VAT1L: variants seen among roughly 807,000 people sequenced by gnomAD.
VAT1L encodes the protein vesicle amine transport 1 like.
VAT1L carries 34 observed loss-of-function variants against 44.1 expected under a neutral mutation model. The observed-to-expected ratio is 0.77, with a 90% CI of 0.59 to 1.03. The LOEUF is 1.03. VAT1L is among the 50% of genes least tolerant of loss of function. VAT1L has a pLI of 0.00. For synonymous variants in VAT1L, 253 were observed against 202.2 expected, an observed-to-expected ratio of 1.25 and a Z score of -2.13; for missense variants, 615 against 538.8, an observed-to-expected ratio of 1.14 and a Z score of -1.40.
Position 77,938,600 on chromosome 16 carries a change from C to T in VAT1L, c.1078-33250C>T, listed in dbSNP as rs113288220. Reference sequence around the variant, plus strand: ...CCCCTTATTCTCTCTGTTGCTTCTGCTCTGGCCATGTAAAGACGTGCCTGC... The same window carrying T: ...CCCCTTATTCTCTCTGTTGCTTCTGTTCTGGCCATGTAAAGACGTGCCTGC... On this transcript the variant is annotated intron_variant, in intron 7 of 8. Coordinates refer to ENST00000302536, the MANE Select transcript of VAT1L (RefSeq NM_020927.3). 5.3e-3 allele frequency among the ~76,000 whole-genome samples: 804 copies of T among 152,220 alleles called. 11 individuals carry two copies. Among genetic ancestry groups the T allele is most frequent in the African/African-American group, 0.019 (784 of 41,550 alleles).
Position 77,817,157 on chromosome 16 carries a change from T to C in VAT1L, c.363+107T>C. 7.6e-6 allele frequency: 11 copies of C among 1,448,272 alleles called. No individual in the cohort carries two copies. In the South Asian group the frequency reaches 1.6e-4, roughly 21 times the overall value. 89.7% of individuals were successfully genotyped at this position (1,448,272 alleles called of 1,614,324 possible). A position where few individuals can be genotyped will look rare whatever the true frequency, so the allele number is the denominator to read the frequency against. On this transcript the variant is annotated intron_variant, in intron 2 of 8. Transcript: ENST00000302536. ...TGAAATAACCTATGGCGTGCATTAT[T>C]ATCATTGTCTTCTTATTTGGACTGT...
In VAT1L at chr16:77,874,855, A is replaced by AT. The variant is rs2017071452; in HGVS notation, c.723-1515_723-1514insT. On this transcript the variant is annotated intron_variant, in intron 4 of 8. Coordinates refer to ENST00000302536, the MANE Select transcript of VAT1L (RefSeq NM_020927.3). Reference sequence around the variant, plus strand: ...ATTAATTTGTAAAAAAAAAAAAAAAAAAAAAAAAGCCAGTCTGGCTCCTAA... The same window carrying AT: ...ATTAATTTGTAAAAAAAAAAAAAAAATAAAAAAAAGCCAGTCTGGCTCCTAA... Among the ~76,000 whole-genome samples the AT allele has an allele frequency of 2.9e-4, 44 of 150,744 alleles. No individual in the cohort carries two copies. In the South Asian group the frequency reaches 9.3e-3, roughly 32 times the overall value.
At chr16:77,901,556 C>T (rs559925803) in intron 7 of VAT1L, among the ~76,000 whole-genome samples, 2 of 152,256 alleles carry the variant, frequency 1.3e-5, no homozygotes, top group East Asian at 3.9e-4. Flanking sequence ...TACCTGGGTC[C>T]TATCAAGTGC....
chr16:77,887,824 T>G (rs2017224778), intron 7 of VAT1L, among the ~76,000 whole-genome samples: 1 of 152,198 alleles, frequency 6.6e-6, no homozygotes, highest in Non-Finnish European at 1.5e-5. Flanking sequence ...AAGCAATACC[T>G]AAACCAAATC....
chr16:77,941,691 T>A (rs970756551), intron 7 of VAT1L, among the ~76,000 whole-genome samples: 4 of 152,112 alleles, frequency 2.6e-5, no homozygotes, highest in Non-Finnish European at 4.4e-5. Flanking sequence ...GTTTAAGCTA[T>A]TGTCCTGCCT....
chr16:77,918,549 G>A (rs951100667), intron 7 of VAT1L, among the ~76,000 whole-genome samples: 5 of 152,018 alleles, frequency 3.3e-5, no homozygotes, highest in African/African-American at 1.2e-4. Context: ...TCCTCATGTC[G>A]CTGTGATCAA....
rs1307314230 is a variant in VAT1L at position 77,879,514 on chromosome 16, C to G, written c.882+290C>G. On this transcript the variant is annotated intron_variant, in intron 6 of 8. Transcript: ENST00000302536. The surrounding 1 kb of genome is among the most constrained non-coding windows in gnomAD (Gnocchi z 4.1). ...CCGTGTTGGCCAGGATGGTCTCAAT[C>G]TGACCTCGTGATCTGCCCGCCTCAG... Among the ~76,000 whole-genome samples, 3 of 152,166 alleles carry G rather than the reference C, an allele frequency of 2.0e-5. No individual in the cohort carries two copies. Among genetic ancestry groups the G allele is most frequent in the Non-Finnish European group, 2.9e-5 (2 of 68,030 alleles).
Position 77,816,990 on chromosome 16 carries a change from G to A in VAT1L, c.303G>A (p.Val101=), listed in dbSNP as rs148203612. The change falls in exon 2 of 9, where the codon GTG becomes GTA. Residue 101 remains valine (V), a synonymous_variant. Transcript: ENST00000302536. ...ACAACCCTCCCAAGACTCCCCTGGTGCCAGGATTTGAGTGTTCTGGGATTG... is the reference window on the plus strand; with the variant it reads ...ACAACCCTCCCAAGACTCCCCTGGTACCAGGATTTGAGTGTTCTGGGATTG... ...NIDNPPKTPL[V]PGFECSGIVE... 0.016 allele frequency: 25,119 copies of A among 1,613,970 alleles called. 239 individuals carry two copies. Among genetic ancestry groups the A allele is most frequent in the Non-Finnish European group, 0.019 (21,994 of 1,179,916 alleles).
chr16:77,838,551 T>C (rs1567483367), intron 3 of VAT1L, among the ~76,000 whole-genome samples: 1 of 152,040 alleles, frequency 6.6e-6, no homozygotes, highest in African/African-American at 2.4e-5. Context: ...CACGACAGGA[T>C]AGAGAGATTA....
intron 7 of VAT1L, among the ~76,000 whole-genome samples, chr16:77,897,701 C>A (rs1356032423): frequency 6.6e-6 from 1 of 152,166 alleles, no homozygotes; most frequent in East Asian, 1.9e-4. Context: ...TCTCGAACTC[C>A]TGAGCTCAGG....
chr16:77,967,150 G>C (rs1391537745), intron 7 of VAT1L, among the ~76,000 whole-genome samples: 1 of 152,080 alleles, frequency 6.6e-6, no homozygotes, highest in Non-Finnish European at 1.5e-5. Context: ...TTATATGAGA[G>C]CAGTTTGGGG....
intron 3 of VAT1L, among the ~76,000 whole-genome samples, chr16:77,849,944 C>T (rs547934085): frequency 6.6e-6 from 1 of 152,252 alleles, no homozygotes; most frequent in African/African-American, 2.4e-5. Context: ...ATGTTCAGGG[C>T]AGGTACTTTG....
chr16:77,853,519 G>A (rs2016827099), intron 3 of VAT1L, among the ~76,000 whole-genome samples: 1 of 152,044 alleles, frequency 6.6e-6, no homozygotes, highest in Non-Finnish European at 1.5e-5. Flanking sequence ...AGCATCATGG[G>A]GCCTTTCTCC....
intron 5 of VAT1L, among the ~76,000 whole-genome samples, chr16:77,877,657 G>C (rs1038378252): frequency 2.6e-5 from 4 of 151,664 alleles, no homozygotes; most frequent in Non-Finnish European, 4.4e-5. Context: ...CTTGTCCCCT[G>C]TAGGTACAAT....
chr16:77,910,447 C>T (rs943100162), intron 7 of VAT1L, among the ~76,000 whole-genome samples: 6 of 151,776 alleles, frequency 4.0e-5, no homozygotes, highest in Admixed American at 1.3e-4. Context: ...CCGAGGCGGG[C>T]GAATCACAAG....
intron 7 of VAT1L, among the ~76,000 whole-genome samples, chr16:77,962,583 C>G (rs1597123183): frequency 7.4e-6 from 1 of 135,868 alleles, no homozygotes; most frequent in East Asian, 2.2e-4. Flanking sequence ...ATCCTATAAT[C>G]CTATAAGGAA....
At chr16:77,839,155 A>G (rs1366152426) in intron 3 of VAT1L, among the ~76,000 whole-genome samples, 1 of 152,132 alleles carries the variant, frequency 6.6e-6, no homozygotes, top group Non-Finnish European at 1.5e-5. Context: ...GTGCTCAGGG[A>G]CTAAACTGAG....
At chr16:77,929,053 G>T (rs925684957) in intron 7 of VAT1L, among the ~76,000 whole-genome samples, 3 of 152,160 alleles carry the variant, frequency 2.0e-5, no homozygotes, top group African/African-American at 7.2e-5. Context: ...TTGACCTCGT[G>T]ATCCGCCCCC....
intron 4 of VAT1L, among the ~76,000 whole-genome samples, chr16:77,875,690 T>A (rs542655186): frequency 1.3e-5 from 2 of 152,370 alleles, no homozygotes; most frequent in East Asian, 3.9e-4. Context: ...GGCTTCTTTC[T>A]ACTCCACAAC....
Sources: gnomAD v4.1 joint callset for allele counts (sites outside exome capture counted in the v4.1 genomes callset) on GRCh38, gnomAD v4.1.1 for gene constraint, Gnocchi (gnomAD v3.1) non-coding constraint, MANE v1.5 for transcripts, NCBI Gene and HGNC (gene_info 2026-07-23, HGNC 2026-07-21) for gene names.